Variants in GRID2 observed in about 807,000 individuals in gnomAD.
The protein encoded by GRID2 is glutamate receptor ionotropic, delta-2.
In GRID2, 33 loss-of-function variants were observed where a neutral mutation model predicts 114.8. The ratio of observed to expected loss-of-function variants is 0.29; its 90% CI spans 0.22 to 0.38. The LOEUF (loss-of-function observed/expected upper bound fraction) is 0.38. Ranked by LOEUF, GRID2 falls within the 10% of genes least tolerant of loss-of-function variation. GRID2 has a pLI of 1.00. For missense variants in GRID2, 1,184 were observed against 1,257.7 expected (o/e 0.94, Z 0.89); for synonymous variants, 505 against 449.9 (o/e 1.12, Z -1.55).
chr4:93,324,942 T>C (rs1360914578), intron 8 of GRID2, among the ~76,000 whole-genome samples: 1 of 152,182 alleles, frequency 6.6e-6, no homozygotes, highest in Non-Finnish European at 1.5e-5. Context: ...TCTTTATTAG[T>C]CTTGCTAGCG....
chr4:93,301,187 G>A (rs1754835653), intron 8 of GRID2, among the ~76,000 whole-genome samples: 1 of 152,038 alleles, frequency 6.6e-6, no homozygotes, highest in Admixed American at 6.6e-5. Flanking sequence ...TTTTATAATA[G>A]GAAACAAACG....
intron 8 of GRID2, among the ~76,000 whole-genome samples, chr4:93,294,722 G>A (rs1754110299): frequency 6.6e-6 from 1 of 151,750 alleles, no homozygotes; most frequent in South Asian, 2.1e-4. Flanking sequence ...CCATGCCCAG[G>A]TAAATTTTTG....
intron 2 of GRID2, among the ~76,000 whole-genome samples, chr4:92,797,341 T>C (rs941985645): frequency 1.3e-5 from 2 of 152,018 alleles, no homozygotes; most frequent in African/African-American, 4.8e-5. Flanking sequence ...TTTAAGCACA[T>C]GCTCATAAGA....
At chr4:93,548,350 A>G (rs1194848467) in intron 13 of GRID2, among the ~76,000 whole-genome samples, 1 of 152,222 alleles carries the variant, frequency 6.6e-6, no homozygotes, top group Non-Finnish European at 1.5e-5. Context: ...AACTAGAGGC[A>G]CTTGAACGGA....
intron 13 of GRID2, among the ~76,000 whole-genome samples, chr4:93,591,930 A>G (rs1473752333): frequency 6.6e-6 from 1 of 151,824 alleles, no homozygotes; most frequent in African/African-American, 2.4e-5. Context: ...TATTGCGTCT[A>G]TTTGATTCTT....
rs543459386 is a variant in GRID2, at chr4:93,514,584, T to A, written c.1998-632T>A. On this transcript the variant is annotated intron_variant, in intron 12 of 15. Transcript: ENST00000282020. Reference sequence around the variant, plus strand: ...AATTCTAGCTCTCGCACTCACTGACTATGACACACTGATCAAGTCACTTAT... The same window carrying A: ...AATTCTAGCTCTCGCACTCACTGACAATGACACACTGATCAAGTCACTTAT... 2.6e-5 allele frequency among the ~76,000 whole-genome samples: 4 copies of A among 152,264 alleles called. No individual in the cohort carries two copies. In the East Asian group the frequency reaches 7.7e-4, roughly 29 times the overall value.
At chr4:93,305,747 T>A (rs1755350460) in intron 8 of GRID2, among the ~76,000 whole-genome samples, 1 of 152,152 alleles carries the variant, frequency 6.6e-6, no homozygotes, top group Non-Finnish European at 1.5e-5. Context: ...CAGCATAATT[T>A]CTTATTAAAT....
rs1004985028 is a variant in GRID2 at position 92,459,888 on chromosome 4, T to C, written c.89-130243T>C. On this transcript the variant is annotated intron_variant, in intron 1 of 15. Transcript: ENST00000282020. ...TTTAGTAGAAGAAATCTGACCTCCA[T>C]GGAAGAAGAGAGAATTCTGCCAGCA... 2.0e-5 allele frequency among the ~76,000 whole-genome samples: 3 copies of C among 150,806 alleles called. No homozygotes were observed. The Admixed American group carries it at 2.0e-4, about 10-fold the overall frequency.
intron 10 of GRID2, among the ~76,000 whole-genome samples, chr4:93,433,992 A>G (rs1389410516): frequency 6.6e-6 from 1 of 152,172 alleles, no homozygotes; most frequent in Non-Finnish European, 1.5e-5. Flanking sequence ...TAGTGACATC[A>G]AAGGCATTAG....
intron 3 of GRID2, among the ~76,000 whole-genome samples, chr4:93,090,621 G>A (rs1217174075): frequency 6.6e-6 from 1 of 152,090 alleles, no homozygotes; most frequent in East Asian, 1.9e-4. Flanking sequence ...AATAAATAAA[G>A]GTAGCCTCAC....
intron 4 of GRID2, among the ~76,000 whole-genome samples, chr4:93,168,501 T>A (rs1738478624): frequency 6.6e-6 from 1 of 152,070 alleles, no homozygotes; most frequent in African/African-American, 2.4e-5. Flanking sequence ...ATAAAAAATA[T>A]ATCACTACAA....
chr4:92,590,195 TA>T lies in GRID2; in HGVS notation c.155del (p.Asn52ThrfsTer16). 6.2e-7 allele frequency: 1 copy of T among 1,611,552 alleles called. No homozygotes were observed. Among genetic ancestry groups the T allele is most frequent in the Non-Finnish European group, 8.5e-7 (1 of 1,177,664 alleles). On this transcript the variant is annotated frameshift_variant, in exon 2 of 16. Transcript: ENST00000282020. LOFTEE classifies it high-confidence loss of function. The stretch of plus-strand genomic sequence containing the variant: ...TATTTCGCACTGCGGTTGGTGACCT[TA>T]ACCAGAATGAGGAGATCTTACAGAC... ...EVFRTAVGDL[N>X]QNEEILQTEK...
intron 1 of GRID2, among the ~76,000 whole-genome samples, chr4:92,572,292 A>C (rs745585810): frequency 2.0e-5 from 3 of 152,224 alleles, no homozygotes; most frequent in Non-Finnish European, 4.4e-5. Context: ...CAAGAAATGG[A>C]TAAATTCCTC....
chr4:93,530,104 T>C (rs900729944), intron 13 of GRID2, among the ~76,000 whole-genome samples: 1 of 152,084 alleles, frequency 6.6e-6, no homozygotes, highest in Non-Finnish European at 1.5e-5. Context: ...TCCAATTTAT[T>C]CTCTCCTTTC....
rs568394757 is a variant in GRID2 at position 93,466,780 on chromosome 4, C to T, written c.1858+10806C>T. Among the ~76,000 whole-genome samples, 4 of 152,228 alleles carry T rather than the reference C, an allele frequency of 2.6e-5. No homozygotes were observed. In the East Asian group the frequency reaches 7.7e-4, roughly 29 times the overall value. ...CCTACCTCAGTATCAATACTAAAAA[C>T]TAAAATGTTTTATAATTTTAAAACA... On this transcript the variant is annotated intron_variant, in intron 11 of 15. Coordinates refer to ENST00000282020, the MANE Select transcript of GRID2 (RefSeq NM_001510.4).
chr4:93,454,668 A>G (rs1486666285), intron 10 of GRID2, among the ~76,000 whole-genome samples: 2 of 152,088 alleles, frequency 1.3e-5, no homozygotes, highest in Non-Finnish European at 2.9e-5. Context: ...GCATTCTACT[A>G]GGGATGTTAC....
At chr4:93,301,306 A>C (rs72874985) in intron 8 of GRID2, among the ~76,000 whole-genome samples, 8,229 of 152,262 alleles carry the variant, frequency 0.054, 749 homozygotes, top group African/African-American at 0.19. Flanking sequence ...GTCTTTAAAA[A>C]GTGTTTATAT....
intron 2 of GRID2, among the ~76,000 whole-genome samples, chr4:92,670,343 A>G (rs1387601825): frequency 6.6e-6 from 1 of 152,040 alleles, no homozygotes; most frequent in African/African-American, 2.4e-5. Flanking sequence ...CAGATTTGTT[A>G]TCATTTTTGG....
chr4:93,595,660 A>G (rs1373273994), intron 13 of GRID2, among the ~76,000 whole-genome samples: 3 of 152,182 alleles, frequency 2.0e-5, no homozygotes, highest in East Asian at 1.9e-4. Context: ...ATTTCTTCTT[A>G]CCTATAGGCC....
Sources: gnomAD v4.1 joint callset for allele counts (sites outside exome capture counted in the v4.1 genomes callset) on GRCh38, gnomAD v4.1.1 for gene constraint, MANE v1.5 for transcripts, NCBI Gene and HGNC (gene_info 2026-07-23, HGNC 2026-07-21) for gene names.